MGAT4C: variants seen among roughly 807,000 people sequenced by gnomAD.
MGAT4C encodes the protein MGAT4 family member C, also known as alpha-1,3-mannosyl-glycoprotein 4-beta-N-acetylglucosaminyltransferase C.
MGAT4C carries 19 observed loss-of-function variants against 40.1 expected under a neutral mutation model. That is an observed-to-expected ratio of 0.47 (90% CI 0.33 to 0.70). The LOEUF (loss-of-function observed/expected upper bound fraction) is 0.70. Among genes scored for constraint, MGAT4C ranks in the 30% least tolerant of loss-of-function variants. The pLI, the probability that MGAT4C is intolerant of heterozygous loss-of-function variation, is 0.02. For synonymous variants in MGAT4C, 181 were observed against 187.1 expected, an observed-to-expected ratio of 0.97 and a Z score of 0.27; for missense variants, 491 against 563.2, an observed-to-expected ratio of 0.87 and a Z score of 1.30.
chr12:86,815,725 G>A (rs1952589662), intron 1 of MGAT4C, among the ~76,000 whole-genome samples: 1 of 151,642 alleles, frequency 6.6e-6, no homozygotes, highest in Admixed American at 6.6e-5. Flanking sequence ...GGATGGGATT[G>A]GAGACTATTA....
At position 86,765,115 on chromosome 12, in the gene MGAT4C, TA is replaced by T. The variant is rs758390571; in HGVS notation, c.-261-37875del. Among the ~76,000 whole-genome samples the T allele has an allele frequency of 3.4e-3, 516 of 151,618 alleles. 2 individuals carry two copies. The highest frequency in any genetic ancestry group is 0.012 in the African/African-American group (494 of 41,346). On this transcript the variant is annotated intron_variant, in intron 1 of 7. Coordinates refer to the MGAT4C transcript ENST00000548651. ...CCAAAGGCAAAGAAGTTAAAAACTT[TA>T]AAAAAAAATTAGACGAATGTATAAC...
At chr12:86,053,930 A>G (rs1222878707) in intron 1 of MGAT4C, among the ~76,000 whole-genome samples, 2 of 152,018 alleles carry the variant, frequency 1.3e-5, no homozygotes, top group Non-Finnish European at 2.9e-5. Context: ...CCATAAAAAA[A>G]GATGAAAAAT....
intron 2 of MGAT4C, among the ~76,000 whole-genome samples, chr12:86,575,792 C>G (rs1316041996): frequency 6.6e-6 from 1 of 151,800 alleles, no homozygotes; most frequent in Non-Finnish European, 1.5e-5. Flanking sequence ...CAACTATTCT[C>G]CCTAGTGATT....
At chr12:86,689,418 C>T (rs1236617440) in intron 2 of MGAT4C, among the ~76,000 whole-genome samples, 1 of 151,782 alleles carries the variant, frequency 6.6e-6, no homozygotes, top group Non-Finnish European at 1.5e-5. Flanking sequence ...GGAGAAGGGG[C>T]ATTCTTGTTT....
chr12:86,245,393 G>C (rs1951982721), intron 1 of MGAT4C, among the ~76,000 whole-genome samples: 1 of 152,186 alleles, frequency 6.6e-6, no homozygotes, highest in Non-Finnish European at 1.5e-5. Context: ...TTCTTGCCTA[G>C]ATTCCTCCTA....
At chr12:86,797,808 T>A (rs1952155160) in intron 1 of MGAT4C, among the ~76,000 whole-genome samples, 1 of 151,940 alleles carries the variant, frequency 6.6e-6, no homozygotes, top group African/African-American at 2.4e-5. Context: ...ACCTCTCTTC[T>A]TCTGATATTC....
intron 1 of MGAT4C, among the ~76,000 whole-genome samples, chr12:86,152,345 GGTGCCTCGTT>G (rs1884395553): frequency 1.3e-5 from 2 of 152,164 alleles, no homozygotes; most frequent in Admixed American, 1.3e-4. Flanking sequence ...CTTCCAAGAT[GGTGCCTCGTT>G]GTGTGTCCAC....
At chr12:86,709,943 T>G (rs543057308) in intron 2 of MGAT4C, among the ~76,000 whole-genome samples, 12 of 152,188 alleles carry the variant, frequency 7.9e-5, no homozygotes. Flanking sequence ...TTGAGGCCAG[T>G]TACTTTTTTC....
intron 1 of MGAT4C, among the ~76,000 whole-genome samples, chr12:86,248,651 G>A (rs1266402862): frequency 6.6e-6 from 1 of 152,012 alleles, no homozygotes; most frequent in Non-Finnish European, 1.5e-5. Flanking sequence ...ATTGCCTGTT[G>A]TGCTCTGCTA....
intron 2 of MGAT4C, among the ~76,000 whole-genome samples, chr12:86,559,019 A>G (rs1034600327): frequency 5.3e-5 from 8 of 152,108 alleles, no homozygotes; most frequent in Middle Eastern, 3.4e-3. Flanking sequence ...GCAATTGGAA[A>G]CCAAATGTGA....
At chr12:86,756,902 T>C (rs186411327) in intron 1 of MGAT4C, among the ~76,000 whole-genome samples, 17 of 152,300 alleles carry the variant, frequency 1.1e-4, no homozygotes, top group African/African-American at 4.1e-4. Context: ...GAAAAAACAT[T>C]ACTTTGCTTC....
chr12:86,097,937 G>A (rs1874246148), intron 1 of MGAT4C, among the ~76,000 whole-genome samples: 1 of 151,554 alleles, frequency 6.6e-6, no homozygotes, highest in Non-Finnish European at 1.5e-5. Context: ...TAATGCTAAT[G>A]AGAATTTTAG....
intron 2 of MGAT4C, among the ~76,000 whole-genome samples, chr12:86,721,269 A>T (rs1387226215): frequency 1.3e-5 from 2 of 152,144 alleles, no homozygotes; most frequent in Non-Finnish European, 2.9e-5. Context: ...TGTCAAAAAG[A>T]ATGACCTTGC....
At chr12:86,114,249 T>C (rs2135657181) in intron 1 of MGAT4C, among the ~76,000 whole-genome samples, 1 of 151,912 alleles carries the variant, frequency 6.6e-6, no homozygotes, top group African/African-American at 2.4e-5. Flanking sequence ...CCTTAAATGG[T>C]TTTGTCAGTA....
chr12:86,699,985 T>C (rs1209599218), intron 2 of MGAT4C, among the ~76,000 whole-genome samples: 2 of 151,252 alleles, frequency 1.3e-5, no homozygotes, highest in African/African-American at 4.9e-5. Flanking sequence ...ATGTGTATAA[T>C]TGGGCCTATG....
intron 1 of MGAT4C, among the ~76,000 whole-genome samples, chr12:86,081,085 G>A (rs1290958748): frequency 6.6e-6 from 1 of 152,180 alleles, no homozygotes; most frequent in Non-Finnish European, 1.5e-5. Context: ...GAAATAACCA[G>A]AGGAAGTATG....
At chr12:86,690,437 G>A (rs753545992) in intron 2 of MGAT4C, among the ~76,000 whole-genome samples, 1 of 152,156 alleles carries the variant, frequency 6.6e-6, no homozygotes, top group African/African-American at 2.4e-5. Flanking sequence ...CAGGGCCCTG[G>A]TGGTGTAGGC....
At chr12:86,237,473 GC>G (rs1311818095) in intron 1 of MGAT4C, among the ~76,000 whole-genome samples, 1 of 151,612 alleles carries the variant, frequency 6.6e-6, no homozygotes, top group Non-Finnish European at 1.5e-5. Flanking sequence ...ATACAATACA[GC>G]CATAATAAAA....
At chr12:86,111,358 C>G (rs1465035679) in intron 1 of MGAT4C, among the ~76,000 whole-genome samples, 1 of 151,784 alleles carries the variant, frequency 6.6e-6, no homozygotes, top group Non-Finnish European at 1.5e-5. Flanking sequence ...TCATATCTCA[C>G]TATCCTGTTG....
Sources: allele counts gnomAD v4.1 joint callset (sites outside exome capture counted in the v4.1 genomes callset), GRCh38; gene constraint gnomAD v4.1.1; transcripts MANE v1.5; gene names NCBI Gene and HGNC (gene_info 2026-07-23, HGNC 2026-07-21).